Variants in RGS8 observed in about 807,000 individuals in gnomAD.
RGS8 encodes regulator of G-protein signaling 8.
A neutral mutation model predicts 21.7 loss-of-function variants in RGS8; 8 were observed. The observed-to-expected ratio is 0.37, with a 90% confidence interval of 0.22 to 0.66. The LOEUF is 0.66. Among genes scored for constraint, RGS8 ranks in the 30% least tolerant of loss-of-function variants. RGS8 has a pLI of 0.59. For missense variants in RGS8, 157 were observed against 217.9 expected, an observed-to-expected ratio of 0.72 and a Z score of 1.76; for synonymous variants, 80 against 83.6, an observed-to-expected ratio of 0.96 and a Z score of 0.24.
chr1:182,650,253 C>T (rs1008781950), intron 5 of RGS8, among the ~76,000 whole-genome samples: 3 of 152,304 alleles, frequency 2.0e-5, no homozygotes, highest in African/African-American at 4.8e-5. Flanking sequence ...GGGCATCTGA[C>T]GTCCACCACT....
At chr1:182,719,336 A>T in the RGS8 span, among the ~76,000 whole-genome samples, 2 of 132,614 alleles carry the variant, frequency 1.5e-5, no homozygotes, top group African/African-American at 6.5e-5. Flanking sequence ...TTTACAAATG[A>T]TACCACAAGA....
At chr1:182,718,023 G>T in the RGS8 span, among the ~76,000 whole-genome samples, 1 of 152,152 alleles carries the variant, frequency 6.6e-6, no homozygotes, top group African/African-American at 2.4e-5. Flanking sequence ...GAAAACTGTT[G>T]TCCACGTAGC....
At chr1:182,705,753 T>C in the RGS8 span, among the ~76,000 whole-genome samples, 1 of 152,194 alleles carries the variant, frequency 6.6e-6, no homozygotes, top group Non-Finnish European at 1.5e-5. Context: ...AGTTGCCAGT[T>C]CCTTCCAATT....
upstream of RGS8, among the ~76,000 whole-genome samples, chr1:182,687,883 G>A (rs1378049762): frequency 2.0e-5 from 3 of 152,224 alleles, no homozygotes; most frequent in Non-Finnish European, 4.4e-5. Context: ...TAAGAAGGCA[G>A]AAACATTTCT....
chr1:182,658,870 G>A (rs1663433186), intron 5 of RGS8, among the ~76,000 whole-genome samples: 1 of 152,076 alleles, frequency 6.6e-6, no homozygotes, highest in African/African-American at 2.4e-5. Context: ...AAATAACTGG[G>A]ACTAAGTAAT....
chr1:182,744,928 G>C, the RGS8 span, among the ~76,000 whole-genome samples: 1 of 152,066 alleles, frequency 6.6e-6, no homozygotes, highest in Admixed American at 6.5e-5. Flanking sequence ...TACCACCCCC[G>C]ACCCTTGCCT....
chr1:182,720,180 G>T, the RGS8 span, among the ~76,000 whole-genome samples: 1 of 152,024 alleles, frequency 6.6e-6, no homozygotes, highest in Non-Finnish European at 1.5e-5. Flanking sequence ...TGTTTGTTTT[G>T]TTTTGTTTTT....
At chr1:182,705,880 G>T in the RGS8 span, among the ~76,000 whole-genome samples, 1 of 152,204 alleles carries the variant, frequency 6.6e-6, no homozygotes, top group Non-Finnish European at 1.5e-5. Context: ...AGGAGCAAGT[G>T]GGTATGGGGC....
intron 2 of RGS8, 65 bp downstream of exon 3, chr1:182,671,592 G>A: frequency 7.1e-7 from 1 of 1,407,012 alleles, no homozygotes; most frequent in Non-Finnish European, 1.0e-6. Context: ...AATTAAATAT[G>A]GATAATGCAA....
chr1:182,653,455 G>C (rs998490064), intron 5 of RGS8, among the ~76,000 whole-genome samples: 1 of 151,920 alleles, frequency 6.6e-6, no homozygotes, highest in Non-Finnish European at 1.5e-5. Context: ...CAGCACTTTG[G>C]GAGGCCGAGG....
the RGS8 span, among the ~76,000 whole-genome samples, chr1:182,722,225 T>TG: frequency 8.6e-5 from 13 of 151,902 alleles, no homozygotes; most frequent in Admixed American, 7.2e-4. Flanking sequence ...GTGTTTTTTT[T>TG]TTTTTCCACA....
intron 5 of RGS8, among the ~76,000 whole-genome samples, chr1:182,664,252 T>G (rs148754999): frequency 6.6e-6 from 1 of 151,944 alleles, no homozygotes; most frequent in Non-Finnish European, 1.5e-5. Flanking sequence ...CAAGGCACAT[T>G]TATTTTGCAT....
intron 5 of RGS8, among the ~76,000 whole-genome samples, chr1:182,653,977 T>C (rs767324675): frequency 6.6e-6 from 1 of 151,808 alleles, no homozygotes; most frequent in Non-Finnish European, 1.5e-5. Context: ...TTTTTACTTA[T>C]TTATTTAGGA....
At chr1:182,734,018 T>A in the RGS8 span, among the ~76,000 whole-genome samples, 1 of 151,980 alleles carries the variant, frequency 6.6e-6, no homozygotes, top group Non-Finnish European at 1.5e-5. Context: ...CCTCCCACAG[T>A]CAAGCAATTC....
At position 182,684,150 on chromosome 1, in the gene RGS8, G is replaced by T. The variant is rs1664631639; in HGVS notation, n.221+206C>A. ...TAGCACCTGCTAACTGGGAAGAACAGGCATATTTCTACACCCTTGCTCCTG... is the reference window on the plus strand; with the variant it reads ...TAGCACCTGCTAACTGGGAAGAACATGCATATTTCTACACCCTTGCTCCTG... On this transcript the variant is annotated intron_variant and non_coding_transcript_variant, in intron 1 of 4. Coordinates refer to the RGS8 transcript ENST00000515211. This position sits in a 1 kb window ranked among gnomAD's most constrained non-coding sequence, Gnocchi z 4.2. 6.6e-6 allele frequency among the ~76,000 whole-genome samples: 1 copy of T among 152,226 alleles called. No individual in the cohort carries two copies. The highest frequency in any genetic ancestry group is 2.4e-5 in the African/African-American group (1 of 41,454).
chr1:182,669,493 A>G (rs1164629789), intron 3 of RGS8, 131 bp downstream of exon 4: 4 of 1,334,928 alleles, frequency 3.0e-6, no homozygotes, highest in Non-Finnish European at 4.3e-6. Context: ...CAGGAGGCCT[A>G]TGGGGACAGA....
At chr1:182,720,160 CTTGT>C in the RGS8 span, among the ~76,000 whole-genome samples, 246 of 152,196 alleles carry the variant, frequency 1.6e-3, 1 homozygote, top group African/African-American at 4.5e-3. Flanking sequence ...AAAGTCTTCT[CTTGT>C]TTGTTTGTTT....
chr1:182,682,979 T>C (rs763064493), intron 1 of RGS8, among the ~76,000 whole-genome samples: 2 of 152,220 alleles, frequency 1.3e-5, no homozygotes, highest in South Asian at 2.1e-4. Context: ...TTCATTCACC[T>C]GGACAAGAAT....
chr1:182,696,001 C>G, the RGS8 span, among the ~76,000 whole-genome samples: 1 of 152,174 alleles, frequency 6.6e-6, no homozygotes, highest in Admixed American at 6.5e-5. Flanking sequence ...ACATCTAAAC[C>G]TTCTGCTGGG....
Sources: gnomAD v4.1 joint callset for allele counts (sites outside exome capture counted in the v4.1 genomes callset) on GRCh38, gnomAD v4.1.1 for gene constraint, Gnocchi (gnomAD v3.1) non-coding constraint, MANE v1.5 for transcripts, NCBI Gene and HGNC (gene_info 2026-07-23, HGNC 2026-07-21) for gene names.